KCNIP1: variants seen among roughly 807,000 people sequenced by gnomAD.
KCNIP1 encodes the protein A-type potassium channel modulatory protein KCNIP1.
KCNIP1 carries 18 observed loss-of-function variants against 33.0 expected under a neutral mutation model. That is an observed-to-expected ratio of 0.55 (90% confidence interval 0.38 to 0.81). The LOEUF (loss-of-function observed/expected upper bound fraction) is 0.81. Among genes scored for constraint, KCNIP1 ranks in the 30% least tolerant of loss-of-function variants. The pLI is 0.00. For missense variants in KCNIP1, 238 were observed against 271.6 expected, an observed-to-expected ratio of 0.88 and a Z score of 0.87; for synonymous variants, 93 against 98.3, an observed-to-expected ratio of 0.95 and a Z score of 0.32.
intron 1 of KCNIP1, among the ~76,000 whole-genome samples, chr5:170,566,225 T>C (rs1757200910): frequency 6.6e-6 from 1 of 151,858 alleles, no homozygotes; most frequent in Non-Finnish European, 1.5e-5. Context: ...CATGCATGAC[T>C]AATTTTTGGT....
intron 1 of KCNIP1, chr5:170,483,148 C>A: frequency 2.3e-6 from 1 of 437,014 alleles, no homozygotes; most frequent in Non-Finnish European, 4.5e-6. Flanking sequence ...ACAGGTATTT[C>A]CATGGAGCTC....
At chr5:170,470,836 C>A (rs1448300832) in intron 1 of KCNIP1, among the ~76,000 whole-genome samples, 1 of 152,178 alleles carries the variant, frequency 6.6e-6, no homozygotes, top group Non-Finnish European at 1.5e-5. Flanking sequence ...GGCATGATCT[C>A]TTCCAGGTCC....
chr5:170,674,427 T>A (rs1220413513), intron 1 of KCNIP1, among the ~76,000 whole-genome samples: 2 of 152,182 alleles, frequency 1.3e-5, no homozygotes, highest in African/African-American at 4.8e-5. Flanking sequence ...AACAAATGAT[T>A]GGCGCTGACA....
chr5:170,505,068 T>C (rs1428412966), intron 1 of KCNIP1, among the ~76,000 whole-genome samples: 2 of 152,042 alleles, frequency 1.3e-5, no homozygotes, highest in Non-Finnish European at 2.9e-5. Context: ...GACCTGCGAG[T>C]CCCTTCATCA....
At chr5:170,643,060 C>G (rs1561737659) in intron 1 of KCNIP1, among the ~76,000 whole-genome samples, 1 of 152,148 alleles carries the variant, frequency 6.6e-6, no homozygotes, top group Admixed American at 6.5e-5. Flanking sequence ...GAGACATTAT[C>G]CTAGATTATC....
chr5:170,482,197 C>T (rs1445068781), intron 1 of KCNIP1, among the ~76,000 whole-genome samples: 2 of 152,124 alleles, frequency 1.3e-5, no homozygotes, highest in Non-Finnish European at 2.9e-5. Context: ...GACACTTCTG[C>T]TTGGAGTCCA....
At chr5:170,416,284 G>A (rs1039784568) in intron 1 of KCNIP1, among the ~76,000 whole-genome samples, 4 of 152,140 alleles carry the variant, frequency 2.6e-5, no homozygotes, top group South Asian at 2.1e-4. Flanking sequence ...AGGAGGCAAC[G>A]CTATGAGGGC....
chr5:170,490,271 T>C (rs906389377), intron 1 of KCNIP1, among the ~76,000 whole-genome samples: 2 of 152,240 alleles, frequency 1.3e-5, no homozygotes, highest in African/African-American at 2.4e-5. Flanking sequence ...CAAAGTTGGA[T>C]AGGCCATGTC....
At chr5:170,448,225 C>A (rs534256347) in intron 1 of KCNIP1, among the ~76,000 whole-genome samples, 7 of 152,174 alleles carry the variant, frequency 4.6e-5, no homozygotes, top group Non-Finnish European at 8.8e-5. Context: ...CCAGAGTGAT[C>A]CCCCACTATC....
At chr5:170,584,091 A>G (rs1463212120) in intron 1 of KCNIP1, among the ~76,000 whole-genome samples, 1 of 152,222 alleles carries the variant, frequency 6.6e-6, no homozygotes, top group East Asian at 1.9e-4. Flanking sequence ...TGTGCTAACT[A>G]AATTAATGAG....
intron 1 of KCNIP1, among the ~76,000 whole-genome samples, chr5:170,511,799 C>G (rs986448853): frequency 6.6e-6 from 1 of 152,204 alleles, no homozygotes; most frequent in African/African-American, 2.4e-5. Flanking sequence ...GAGCCTGGTT[C>G]TGGTTGATCC....
chr5:170,381,774 C>T (rs1764250408), intron 1 of KCNIP1, among the ~76,000 whole-genome samples: 1 of 152,218 alleles, frequency 6.6e-6, no homozygotes, highest in Non-Finnish European at 1.5e-5. Context: ...TGCTCTGGCC[C>T]ATATCACTCC....
chr5:170,444,080 C>T (rs1756053454), intron 1 of KCNIP1, among the ~76,000 whole-genome samples: 1 of 152,208 alleles, frequency 6.6e-6, no homozygotes, highest in South Asian at 2.1e-4. Context: ...GGTAAGTGGA[C>T]CTCAGTATTA....
chr5:170,567,742 AG>A (rs1415793835), intron 1 of KCNIP1, among the ~76,000 whole-genome samples: 1 of 152,224 alleles, frequency 6.6e-6, no homozygotes, highest in Non-Finnish European at 1.5e-5. Context: ...AAACAAAACA[AG>A]GGGCCTGCGT....
In KCNIP1 at chr5:170,488,938, G is replaced by A. The variant is rs368104079; in HGVS notation, c.88+134974G>A. 3.9e-5 allele frequency among the ~76,000 whole-genome samples: 6 copies of A among 152,202 alleles called. No homozygotes were observed. In the East Asian group the frequency reaches 7.7e-4, roughly 20 times the overall value. On this transcript the variant is annotated intron_variant, in intron 1 of 7. Coordinates refer to the KCNIP1 transcript ENST00000377360. ...GGTGACGGTGCAGAGAAGCTGAGCC[G>A]GGGCCTGACTACAGTGAGGTGTGGG...
chr5:170,402,511 C>T (rs1754932172), intron 1 of KCNIP1, among the ~76,000 whole-genome samples: 1 of 152,164 alleles, frequency 6.6e-6, no homozygotes, highest in Admixed American at 6.5e-5. Context: ...CCATCTGTGG[C>T]TGCACCATCC....
chr5:170,441,040 C>T (rs572859308), intron 1 of KCNIP1, among the ~76,000 whole-genome samples: 16 of 152,298 alleles, frequency 1.1e-4, no homozygotes, highest in Non-Finnish European at 2.1e-4. Flanking sequence ...AGTGATCAGA[C>T]GTGACCATGG....
At chr5:170,603,121 C>T (rs1758763437) in intron 1 of KCNIP1, among the ~76,000 whole-genome samples, 2 of 148,736 alleles carry the variant, frequency 1.3e-5, no homozygotes, top group Non-Finnish European at 3.0e-5. Context: ...CCACCCCAAA[C>T]CTGCTTTCGG....
At chr5:170,386,063 T>G (rs1192487109) in intron 1 of KCNIP1, among the ~76,000 whole-genome samples, 4 of 151,432 alleles carry the variant, frequency 2.6e-5, no homozygotes, top group Admixed American at 2.6e-4. Context: ...GAGGCGGAGC[T>G]TGCAGTGAGC....
Sources: gnomAD v4.1 joint callset for allele counts (sites outside exome capture counted in the v4.1 genomes callset) on GRCh38, gnomAD v4.1.1 for gene constraint, MANE v1.5 for transcripts, NCBI Gene and HGNC (gene_info 2026-07-23, HGNC 2026-07-21) for gene names.